The following MTSS2 variants were observed in gnomAD, a reference collection of about 807,000 sequenced individuals.
MTSS2 encodes protein MTSS 2.
Under a neutral mutation model 67.1 loss-of-function variants are expected in MTSS2, and 27 were observed. The ratio of observed to expected loss-of-function variants is 0.40; its 90% confidence interval spans 0.30 to 0.55. MTSS2 has a LOEUF of 0.55. Among genes scored for constraint, MTSS2 ranks in the 20% least tolerant of loss-of-function variants. The pLI is 0.43. For synonymous variants in MTSS2, 624 were observed against 468.6 expected (o/e 1.33, Z -4.28); for missense variants, 1,171 against 1,067.8 (o/e 1.10, Z -1.35).
Position 70,676,990 on chromosome 16 carries a change from C to A in MTSS2, c.733-12G>T, listed in dbSNP as rs202096724. The A allele has an allele frequency of 1.9e-6, 3 of 1,609,228 alleles. No individual in the cohort carries two copies. The highest frequency in any genetic ancestry group is 2.5e-6 in the Non-Finnish European group (3 of 1,176,510). On this transcript the variant is annotated splice_polypyrimidine_tract_variant and intron_variant, in intron 9 of 14. Coordinates refer to ENST00000338779, the MANE Select transcript of MTSS2 (RefSeq NM_138383.3). ...AGGTCTTTGATTACCTGGACAGGGA[C>A]ATGGATGGGGGTCACTGGAGGCAGC...
At position 70,663,551 on chromosome 16, in the gene MTSS2, A is replaced by C; in HGVS notation, c.*126T>G. The C allele has an allele frequency of 7.1e-7, 1 of 1,412,486 alleles. No homozygotes were observed. Among genetic ancestry groups the C allele is most frequent in the South Asian group, 1.5e-5 (1 of 65,998 alleles). The allele number at this position is 1,412,486 out of a possible 1,614,324, so 87.5% of individuals were successfully genotyped here. Reference sequence around the variant, plus strand: ...ATCCAAGTGAGGTGTCTTTCCATAAAGTGGCATGGCCTCTGCCCTGGCTCT... The same window carrying C: ...ATCCAAGTGAGGTGTCTTTCCATAACGTGGCATGGCCTCTGCCCTGGCTCT... On this transcript the variant is annotated 3_prime_UTR_variant, in exon 15 of 15. Coordinates refer to ENST00000338779, the MANE Select transcript of MTSS2 (RefSeq NM_138383.3).
chr16:70,683,763 G>A (rs934233886), intron 1 of MTSS2, among the ~76,000 whole-genome samples: 7 of 152,170 alleles, frequency 4.6e-5, no homozygotes, highest in African/African-American at 9.7e-5. Context: ...CAACCTGGCT[G>A]CTGATGGCCG....
chr16:70,667,434 A>G (rs1220920786), intron 11 of MTSS2, among the ~76,000 whole-genome samples: 4 of 152,212 alleles, frequency 2.6e-5, no homozygotes, highest in Admixed American at 2.6e-4. Context: ...TCACATTTCT[A>G]AATACCAGCA....
At chr16:70,675,293 C>T (rs2053080385) in intron 10 of MTSS2, among the ~76,000 whole-genome samples, 1 of 151,692 alleles carries the variant, frequency 6.6e-6, no homozygotes, top group Admixed American at 6.6e-5. Flanking sequence ...CGTGGTGGTG[C>T]ACACCTGTAT....
rs767718306 is a variant in MTSS2 at position 70,664,780 on chromosome 16, G to A, written c.1306-17C>T. 2 of 1,595,874 alleles carry A rather than the reference G, an allele frequency of 1.3e-6. No homozygotes were observed. Among genetic ancestry groups the A allele is most frequent in the East Asian group, 2.3e-5 (1 of 44,258 alleles). On this transcript the variant is annotated splice_polypyrimidine_tract_variant and intron_variant, in intron 13 of 14. Coordinates refer to ENST00000338779, the MANE Select transcript of MTSS2 (RefSeq NM_138383.3). ...CTCACCGTGCTGAGGGTGGGAAAGT[G>A]CAGGCTGAAGCCTTGCGCCCCCAAT...
chr16:70,667,377 G>A (rs6499333), intron 11 of MTSS2, among the ~76,000 whole-genome samples: 68,309 of 150,884 alleles, frequency 0.45, 15,748 homozygotes, highest in Non-Finnish European at 0.5. Context: ...TTAGTAAGGG[G>A]TTAACCCTTT....
rs2053279305 is a variant in MTSS2, at chr16:70,680,810, C to T, written c.189G>A (p.Met63Ile). ...CCTCCCCACCTCGGGTGTTGGTAGC[C>T]ATGTCAGCCACTTTCTGGAAGGCAT... ...FLDAFQKVADMATNTRGATRD... is the reference protein window; with the variant it reads ...FLDAFQKVADIATNTRGATRD... Residue 63 changes from methionine (M) to isoleucine (I), a missense_variant, in exon 3 of 15, where the codon ATG becomes ATA. Around this residue, in one of 2 missense-constraint regions of MTSS2, gnomAD observed 247 missense variants for 311.8 expected, o/e 0.79. Coordinates refer to ENST00000338779, the MANE Select transcript of MTSS2 (RefSeq NM_138383.3). 6.4e-7 allele frequency: 1 copy of T among 1,553,484 alleles called. No homozygotes were observed.
intron 2 of MTSS2, 41 bp from the exon 3 acceptor site, chr16:70,680,908 C>CGGGGGG: frequency 1.7e-6 from 2 of 1,174,316 alleles, no homozygotes; most frequent in African/African-American, 1.7e-5. Flanking sequence ...GGTGGTTGGG[C>CGGGGGG]GGGGGGGGGG....
intron 12 of MTSS2, 21 bp downstream of exon 12, chr16:70,665,445 G>A: frequency 6.5e-7 from 1 of 1,547,830 alleles, no homozygotes; most frequent in Non-Finnish European, 8.7e-7. Flanking sequence ...ACTGTCCTGG[G>A]GCCGGGCTGG....
Position 70,662,344 on chromosome 16 carries a change from C to T in MTSS2, c.*1333G>A, listed in dbSNP as rs2052514340. On this transcript the variant is annotated 3_prime_UTR_variant, in exon 15 of 15. Coordinates refer to ENST00000338779, the MANE Select transcript of MTSS2 (RefSeq NM_138383.3). Reference sequence around the variant, plus strand: ...CTCGCCCTAGGCTCACGTGCTTTTACCTGCTGAGACTTGGCGTGACTTGGT... The same window carrying T: ...CTCGCCCTAGGCTCACGTGCTTTTATCTGCTGAGACTTGGCGTGACTTGGT... 6.6e-6 allele frequency: 1 copy of T among 152,376 alleles called. No individual in the cohort carries two copies. The highest frequency in any genetic ancestry group is 2.4e-5 in the African/African-American group (1 of 41,470). The allele number at this position is 152,376 out of a possible 1,614,324, so 9.4% of individuals were successfully genotyped here.
intron 2 of MTSS2, 47 bp downstream of exon 2, chr16:70,680,917 G>GGGGGGGGGGGGGCCC: frequency 8.6e-7 from 1 of 1,168,272 alleles, no homozygotes; most frequent in Non-Finnish European, 1.2e-6. Flanking sequence ...GCGGGGGGGG[G>GGGGGGGGGGGGGCCC]GCCTCTGCCT....
chr16:70,673,452 T>C (rs762662202), intron 11 of MTSS2, among the ~76,000 whole-genome samples: 19 of 152,284 alleles, frequency 1.2e-4, no homozygotes, highest in Non-Finnish European at 2.6e-4. Flanking sequence ...CAGAATAGTG[T>C]TCCTGGCAAA....
At chr16:70,682,059 C>G (rs778771016) in intron 1 of MTSS2, among the ~76,000 whole-genome samples, 28 of 152,206 alleles carry the variant, frequency 1.8e-4, no homozygotes, top group Non-Finnish European at 4.0e-4. Context: ...CTCTGCCTGG[C>G]TGCAACCCAG....
At chr16:70,669,988 T>G (rs1050401436) in intron 11 of MTSS2, among the ~76,000 whole-genome samples, 3 of 149,426 alleles carry the variant, frequency 2.0e-5, no homozygotes, top group African/African-American at 7.4e-5. Context: ...GTCATAATCT[T>G]GGCCAGGTGT....
chr16:70,663,428 G>A lies in MTSS2; in HGVS notation c.*249C>T. On this transcript the variant is annotated 3_prime_UTR_variant, in exon 15 of 15. Transcript: ENST00000338779. ...AGGGCCCCAGAGGAGGAAGAGGAGG[G>A]ACCGAAGAGCATAAAACAGACCCCG... The A allele has an allele frequency of 1.7e-6, 1 of 590,790 alleles. No homozygotes were observed. Among genetic ancestry groups the A allele is most frequent in the Non-Finnish European group, 2.8e-6 (1 of 359,306 alleles). 36.6% of individuals were successfully genotyped at this position (590,790 alleles called of 1,614,324 possible).
chr16:70,672,404 T>A (rs1329207231), intron 11 of MTSS2, among the ~76,000 whole-genome samples: 1 of 148,964 alleles, frequency 6.7e-6, no homozygotes, highest in Non-Finnish European at 1.5e-5. Context: ...GGGTCCTGAA[T>A]TGGGTCATGG....
At chr16:70,676,107 G>T (rs1437441797) in intron 10 of MTSS2, among the ~76,000 whole-genome samples, 1 of 152,260 alleles carries the variant, frequency 6.6e-6, no homozygotes, top group African/African-American at 2.4e-5. Context: ...TGTCCAGCCA[G>T]TGATTCTGGG....
At chr16:70,666,374 C>A (rs114753420) in intron 11 of MTSS2, among the ~76,000 whole-genome samples, 1 of 152,102 alleles carries the variant, frequency 6.6e-6, no homozygotes, top group Non-Finnish European at 1.5e-5. Context: ...AGGTGTTCTG[C>A]GAGGCCCCCC....
chr16:70,664,017 G>A lies in MTSS2; in HGVS notation c.1904C>T (p.Pro635Leu), dbSNP rs1210252277. ...TGTGTTGGGCAGGCTGAGCCTCTTT[G>A]GGGAGGCCTTGGCGAGGTCCGGTGC... Reference protein sequence around the residue: ...PLAPDLAKASPKRLSLPNTAW... With the variant: ...PLAPDLAKASLKRLSLPNTAW... The change falls in exon 15 of 15, where the codon CCA (proline) becomes CTA (leucine). Residue 635 changes from proline to leucine, a missense_variant. This residue lies in a region of MTSS2 where 924 missense variants were observed against 756.0 expected (regional missense o/e 1.22). Coordinates refer to ENST00000338779, the MANE Select transcript of MTSS2 (RefSeq NM_138383.3). 6.2e-7 allele frequency: 1 copy of A among 1,605,032 alleles called. No homozygotes were observed. The highest frequency in any genetic ancestry group is 1.7e-5 in the Admixed American group (1 of 59,012).
Sources: allele counts gnomAD v4.1 joint callset (sites outside exome capture counted in the v4.1 genomes callset), GRCh38; gene constraint gnomAD v4.1.1; regional missense constraint gnomAD v4.1.1; transcripts MANE v1.5; gene names NCBI Gene and HGNC (gene_info 2026-07-23, HGNC 2026-07-21).